Variants in MARCHF8 observed in about 807,000 individuals in gnomAD.
MARCHF8 encodes the protein E3 ubiquitin-protein ligase MARCHF8.
Under a neutral mutation model 51.6 loss-of-function variants are expected in MARCHF8, and 40 were observed. That is an observed-to-expected ratio of 0.77 (90% CI 0.60 to 1.01). MARCHF8 has a LOEUF of 1.01. Among genes scored for constraint, MARCHF8 ranks in the 50% least tolerant of loss-of-function variants. The pLI is 0.00. For missense variants in MARCHF8, 685 were observed against 708.6 expected (o/e 0.97, Z 0.38); for synonymous variants, 263 against 280.3 (o/e 0.94, Z 0.62).
chr10:45,519,419 G>GT (rs35611625), intron 2 of MARCHF8, among the ~76,000 whole-genome samples: 9,389 of 152,252 alleles, frequency 0.062, 331 homozygotes, highest in Non-Finnish European at 0.066. Context: ...TGGGAAGTCA[G>GT]TAAGTAGACT....
At chr10:45,511,551 G>A (rs528534630) in intron 2 of MARCHF8, among the ~76,000 whole-genome samples, 2 of 152,364 alleles carry the variant, frequency 1.3e-5, no homozygotes, top group African/African-American at 4.8e-5. Context: ...GCGATTACAG[G>A]CGCGCGCCGC....
chr10:45,494,333 G>C (rs2043135129), intron 2 of MARCHF8, among the ~76,000 whole-genome samples: 1 of 152,144 alleles, frequency 6.6e-6, no homozygotes, highest in African/African-American at 2.4e-5. Flanking sequence ...AAGACAACGA[G>C]GTGAGATGCC....
chr10:45,493,927 A>G (rs1487018966), intron 2 of MARCHF8, among the ~76,000 whole-genome samples: 1 of 152,242 alleles, frequency 6.6e-6, no homozygotes. Context: ...CTGAGATTAC[A>G]GGCATACTAC....
At chr10:45,594,328 C>T (rs1280703361) in exon 1 of MARCHF8, 1 of 152,260 alleles carries the variant, frequency 6.6e-6, no homozygotes, top group African/African-American at 2.4e-5. Flanking sequence ...GTCCGAGCTT[C>T]CATTTTACAG....
chr10:45,523,251 T>C (rs2043738818), intron 2 of MARCHF8, among the ~76,000 whole-genome samples: 1 of 152,112 alleles, frequency 6.6e-6, no homozygotes, highest in Non-Finnish European at 1.5e-5. Context: ...AGGGGCCCAA[T>C]AGGGTGGCTC....
chr10:45,464,810 C>T (rs1189213537), intron 3 of MARCHF8, among the ~76,000 whole-genome samples: 4 of 152,192 alleles, frequency 2.6e-5, no homozygotes, highest in African/African-American at 9.7e-5. Context: ...CTGAGTTCCA[C>T]AAAACCTCAC....
At chr10:45,496,215 C>A (rs2043172324) in intron 2 of MARCHF8, among the ~76,000 whole-genome samples, 1 of 151,930 alleles carries the variant, frequency 6.6e-6, no homozygotes, top group African/African-American at 2.4e-5. Flanking sequence ...AAACAGTAGT[C>A]AAAAGTAACT....
chr10:45,502,551 A>G (rs917923760), intron 2 of MARCHF8, among the ~76,000 whole-genome samples: 5 of 152,220 alleles, frequency 3.3e-5, no homozygotes, highest in African/African-American at 4.8e-5. Context: ...CAGAGAGAAA[A>G]AAAGGATGCA....
At chr10:45,464,416 A>G in intron 3 of MARCHF8, 89 bp from the exon 4 acceptor site, 1 of 1,080,130 alleles carries the variant, frequency 9.3e-7, no homozygotes, top group Middle Eastern at 2.0e-4. Context: ...GAGAAACCCT[A>G]GAAATGTCTG....
At chr10:45,587,973 A>T (rs2044635330) in intron 1 of MARCHF8, among the ~76,000 whole-genome samples, 1 of 152,138 alleles carries the variant, frequency 6.6e-6, no homozygotes, top group Admixed American at 6.5e-5. Flanking sequence ...TGTATTCATA[A>T]AGGAAAGTAA....
chr10:45,510,018 G>A (rs575275037), intron 2 of MARCHF8, among the ~76,000 whole-genome samples: 1 of 152,318 alleles, frequency 6.6e-6, no homozygotes, highest in East Asian at 1.9e-4. Flanking sequence ...ATACGTGCCT[G>A]ACTTGAAGAG....
intron 1 of MARCHF8, among the ~76,000 whole-genome samples, chr10:45,587,130 T>C (rs2044627399): frequency 6.6e-6 from 1 of 151,934 alleles, no homozygotes; most frequent in African/African-American, 2.4e-5. Context: ...GAAAAAGAAA[T>C]AGAAAGCACA....
intron 1 of MARCHF8, among the ~76,000 whole-genome samples, chr10:45,576,258 G>C (rs749394491): frequency 4.6e-5 from 7 of 152,116 alleles, no homozygotes; most frequent in Non-Finnish European, 1.0e-4. Flanking sequence ...CAATTCAATG[G>C]GGAATTGCTT....
intron 1 of MARCHF8, among the ~76,000 whole-genome samples, chr10:45,566,780 A>AG (rs561562277): frequency 2.2e-4 from 1 of 4,562 alleles, no homozygotes; most frequent in African/African-American, 6.1e-4. Context: ...TGGCGGGGGG[A>AG]GGGGGGGAGG....
At chr10:45,524,412 C>T (rs2043757856) in intron 2 of MARCHF8, among the ~76,000 whole-genome samples, 1 of 152,108 alleles carries the variant, frequency 6.6e-6, no homozygotes, top group African/African-American at 2.4e-5. Flanking sequence ...CTCCAGGGAG[C>T]AAGAACAGGT....
intron 2 of MARCHF8, among the ~76,000 whole-genome samples, chr10:45,505,800 T>C (rs77543949): frequency 0.024 from 3,666 of 152,352 alleles, 134 homozygotes; most frequent in African/African-American, 0.079. Flanking sequence ...TTAGTTTTTT[T>C]CTGTTTGTCT....
In MARCHF8 at chr10:45,463,566, G is replaced by A. The variant is rs866074088; in HGVS notation, c.673C>T (p.Arg225Cys). Residue 225 changes from arginine (R) to cysteine (C), a missense_variant, in exon 5 of 8, where the codon CGC becomes TGC. Coordinates refer to ENST00000453424, the MANE Select transcript of MARCHF8 (RefSeq NM_001282866.2). ...GCTTCCACCTCTGAGGCAGTTGAGC[G>A]ACCGGCAGAAAGGCATGAAACACAA... ...HSCVSCLSAG[R>C]STASEVEAGK... The A allele has an allele frequency of 4.6e-5, 71 of 1,550,662 alleles. No individual in the cohort carries two copies. The African/African-American group carries it at 6.4e-4, about 14-fold the overall frequency.
chr10:45,546,550 G>A (rs2044125345), intron 1 of MARCHF8, among the ~76,000 whole-genome samples: 1 of 152,084 alleles, frequency 6.6e-6, no homozygotes, highest in South Asian at 2.1e-4. Flanking sequence ...AGGAAGCCAA[G>A]GCGAGTGGAT....
At chr10:45,594,891 G>A (rs1240071729) in exon 1 of MARCHF8, 1 of 152,198 alleles carries the variant, frequency 6.6e-6, no homozygotes, top group Non-Finnish European at 1.5e-5. Context: ...ACGCCCCTCC[G>A]CGGGAGGACA....
Sources: gnomAD v4.1 joint callset for allele counts (sites outside exome capture counted in the v4.1 genomes callset) on GRCh38, gnomAD v4.1.1 for gene constraint, MANE v1.5 for transcripts, NCBI Gene and HGNC (gene_info 2026-07-23, HGNC 2026-07-21) for gene names.